The following ARHGAP10 variants were observed in gnomAD, a reference collection of about 807,000 sequenced individuals.
ARHGAP10 encodes the protein Rho GTPase activating protein 10.
Under a neutral mutation model 108.6 loss-of-function variants are expected in ARHGAP10, and 87 were observed. That is an observed-to-expected ratio of 0.80 (90% CI 0.67 to 0.96). ARHGAP10 has a LOEUF of 0.96. Among genes scored for constraint, ARHGAP10 ranks in the 40% least tolerant of loss-of-function variants. The probability of loss-of-function intolerance (pLI) is 0.00; values close to 1 mark genes in which losing one functional copy is unlikely to be tolerated. For synonymous variants in ARHGAP10, 347 were observed against 341.1 expected (o/e 1.02, Z -0.19); for missense variants, 939 against 954.5 (o/e 0.98, Z 0.21).
intron 18 of ARHGAP10, among the ~76,000 whole-genome samples, chr4:147,992,321 A>G (rs1414482106): frequency 6.6e-6 from 1 of 151,968 alleles, no homozygotes; most frequent in Non-Finnish European, 1.5e-5. Flanking sequence ...CCCCCTTCAC[A>G]CTGAGTCACA....
intron 13 of ARHGAP10, among the ~76,000 whole-genome samples, chr4:147,933,088 T>C (rs1230361347): frequency 6.6e-6 from 1 of 152,260 alleles, no homozygotes; most frequent in East Asian, 1.9e-4. Context: ...TTCTTGAAGT[T>C]TGTTGAGAAG....
intron 3 of ARHGAP10, among the ~76,000 whole-genome samples, chr4:147,826,865 A>G (rs1358410085): frequency 6.6e-6 from 1 of 151,966 alleles, no homozygotes; most frequent in African/African-American, 2.4e-5. Flanking sequence ...TACTCATTCC[A>G]ATTCTGCCTC....
intron 1 of ARHGAP10, among the ~76,000 whole-genome samples, chr4:147,759,965 A>G (rs748883917): frequency 1.3e-5 from 2 of 152,042 alleles, no homozygotes; most frequent in Non-Finnish European, 2.9e-5. Context: ...GGCCAGGCTG[A>G]TCTCAGACTC....
intron 18 of ARHGAP10, among the ~76,000 whole-genome samples, chr4:148,005,078 A>C (rs1443228911): frequency 6.6e-6 from 1 of 152,224 alleles, no homozygotes; most frequent in Admixed American, 6.5e-5. Flanking sequence ...CTTGCTCTTC[A>C]TACCCTCACT....
chr4:147,875,161 C>T lies in ARHGAP10; in HGVS notation c.832+11C>T. The stretch of plus-strand genomic sequence containing the variant: ...ATGTCCAGGAAAAAAGTAAGAGGCC[C>T]TCCAGCAGTGGCTGCGTGGCTGCTT... On this transcript the variant is annotated intron_variant, in intron 8 of 22. Transcript: ENST00000336498. 2.6e-6 allele frequency: 4 copies of T among 1,561,010 alleles called. No individual in the cohort carries two copies. Among genetic ancestry groups the T allele is most frequent in the Non-Finnish European group, 3.4e-6 (4 of 1,161,638 alleles).
intron 18 of ARHGAP10, among the ~76,000 whole-genome samples, chr4:147,988,432 C>T (rs1044463077): frequency 6.6e-6 from 1 of 152,100 alleles, no homozygotes; most frequent in Non-Finnish European, 1.5e-5. Context: ...TCTGGCCTGC[C>T]GGTCCTTTGG....
intron 1 of ARHGAP10, among the ~76,000 whole-genome samples, chr4:147,792,240 G>A (rs1731152600): frequency 6.6e-6 from 1 of 152,206 alleles, no homozygotes; most frequent in South Asian, 2.1e-4. Context: ...TGATGTAAAA[G>A]TGATACCTTA....
At chr4:148,020,729 A>G (rs1027893885) in intron 18 of ARHGAP10, among the ~76,000 whole-genome samples, 33 of 152,174 alleles carry the variant, frequency 2.2e-4, no homozygotes, top group African/African-American at 7.0e-4. Flanking sequence ...TGTCTTTGCT[A>G]TTGTGAATAA....
intron 10 of ARHGAP10, among the ~76,000 whole-genome samples, chr4:147,894,244 A>G (rs759648699): frequency 2.6e-5 from 4 of 152,064 alleles, no homozygotes; most frequent in Non-Finnish European, 4.4e-5. Flanking sequence ...TGAGAGTTCT[A>G]TTTGCTCCAC....
In ARHGAP10 at chr4:147,914,556, T is replaced by TC. The variant is rs33937677; in HGVS notation, c.1228+1429dup. Among the ~76,000 whole-genome samples, 327 of 120,040 alleles carry TC rather than the reference T, an allele frequency of 2.7e-3. 1 individual carries two copies. Among genetic ancestry groups the TC allele is most frequent in the Non-Finnish European group, 3.1e-3 (188 of 60,398 alleles). The allele number at this position is 120,040 out of a possible 152,430, so 78.8% of individuals were successfully genotyped here. A position where few individuals can be genotyped will look rare whatever the true frequency, so the allele number is the denominator to read the frequency against. On this transcript the variant is annotated intron_variant, in intron 13 of 22. Transcript: ENST00000336498. ...TTTTTTAATTACGCATGTTCTGCGC[T>TC]CCCCCCCCCCCCTTTTTTTTTTTAA... is the stretch of plus-strand genomic sequence containing the variant.
chr4:147,766,515 A>T (rs1390333169), intron 1 of ARHGAP10, among the ~76,000 whole-genome samples: 2 of 151,322 alleles, frequency 1.3e-5, no homozygotes, highest in East Asian at 2.0e-4. Flanking sequence ...ATGGATGCAG[A>T]ACTCATGGAT....
In ARHGAP10 at chr4:147,750,458, G is replaced by A. The variant is rs115788917; in HGVS notation, c.154+18003G>A. Among the ~76,000 whole-genome samples the A allele has an allele frequency of 6.2e-3, 938 of 152,172 alleles. 10 individuals carry two copies. Among genetic ancestry groups the A allele is most frequent in the African/African-American group, 0.021 (874 of 41,500 alleles). ...GTGTTTGTGTGTGCATAATCTAATC[G>A]TAGTTTACATATAACTAAATTAAGA... On this transcript the variant is annotated intron_variant, in intron 1 of 22. Coordinates refer to ENST00000336498, the MANE Select transcript of ARHGAP10 (RefSeq NM_024605.4).
chr4:147,813,749 A>C (rs10030416), intron 1 of ARHGAP10, among the ~76,000 whole-genome samples: 2 of 152,208 alleles, frequency 1.3e-5, no homozygotes, highest in Non-Finnish European at 2.9e-5. Context: ...AGTTGCTCAC[A>C]TGTTTTCCTG....
intron 18 of ARHGAP10, among the ~76,000 whole-genome samples, chr4:148,016,717 T>C (rs976525514): frequency 2.0e-5 from 3 of 152,036 alleles, no homozygotes; most frequent in African/African-American, 7.2e-5. Context: ...ATGCCACAGA[T>C]TGAGGGCTTA....
At chr4:147,878,298 C>T (rs543118357) in intron 8 of ARHGAP10, among the ~76,000 whole-genome samples, 121 of 152,240 alleles carry the variant, frequency 7.9e-4, no homozygotes, top group Middle Eastern at 3.4e-3. Context: ...GGTTTCACAA[C>T]GTTGGCCAGG....
At chr4:147,934,644 C>T (rs1189975248) in intron 13 of ARHGAP10, among the ~76,000 whole-genome samples, 2 of 152,090 alleles carry the variant, frequency 1.3e-5, no homozygotes, top group African/African-American at 4.8e-5. Context: ...TGAGACCAGC[C>T]CAGGCAACAT....
intron 1 of ARHGAP10, among the ~76,000 whole-genome samples, chr4:147,800,800 C>T (rs1013945863): frequency 2.6e-5 from 4 of 152,092 alleles, no homozygotes; most frequent in Admixed American, 1.3e-4. Flanking sequence ...TGTGCCTTGT[C>T]ATTCATTATT....
At chr4:147,794,375 C>T (rs754529900) in intron 1 of ARHGAP10, among the ~76,000 whole-genome samples, 1 of 152,174 alleles carries the variant, frequency 6.6e-6, no homozygotes, top group Non-Finnish European at 1.5e-5. Flanking sequence ...TCACAACATT[C>T]CTATGAAGAG....
intron 1 of ARHGAP10, among the ~76,000 whole-genome samples, chr4:147,746,779 G>C (rs1160419992): frequency 6.6e-6 from 1 of 152,170 alleles, no homozygotes; most frequent in African/African-American, 2.4e-5. Context: ...TGACAGAGGA[G>C]ATGGTAAATG....
Sources: gnomAD v4.1 joint callset for allele counts (sites outside exome capture counted in the v4.1 genomes callset) on GRCh38, gnomAD v4.1.1 for gene constraint, MANE v1.5 for transcripts, NCBI Gene and HGNC (gene_info 2026-07-23, HGNC 2026-07-21) for gene names.